MLLT3: variants seen among roughly 807,000 people sequenced by gnomAD.
MLLT3 encodes the protein MLLT3 super elongation complex subunit.
Under a neutral mutation model 53.2 loss-of-function variants are expected in MLLT3, and 4 were observed. The ratio of observed to expected loss-of-function variants is 0.08; its 90% CI spans 0.04 to 0.17. The LOEUF (loss-of-function observed/expected upper bound fraction) is 0.17, where lower values mean the gene tolerates loss of function less well. Ranked by LOEUF, MLLT3 falls within the 10% of genes least tolerant of loss-of-function variation. The probability of loss-of-function intolerance (pLI) is 1.00; values close to 1 mark genes in which losing one functional copy is unlikely to be tolerated. For missense variants in MLLT3, 569 were observed against 684.0 expected, an observed-to-expected ratio of 0.83 and a Z score of 1.87; for synonymous variants, 283 against 230.6, an observed-to-expected ratio of 1.23 and a Z score of -2.06.
intron 2 of MLLT3, among the ~76,000 whole-genome samples, chr9:20,576,210 A>C (rs373361390): frequency 6.6e-6 from 1 of 152,210 alleles, no homozygotes; most frequent in African/African-American, 2.4e-5. Context: ...GAAGACAGTT[A>C]AGGCCTTGCT....
At chr9:20,485,434 T>C (rs1264663300) in intron 2 of MLLT3, among the ~76,000 whole-genome samples, 3 of 152,258 alleles carry the variant, frequency 2.0e-5, no homozygotes, top group Admixed American at 6.5e-5. Flanking sequence ...CATACATTAT[T>C]TTGAGACCAC....
At position 20,414,091 on chromosome 9, in the gene MLLT3, G is replaced by T. The variant is rs1246288131; in HGVS notation, c.755C>A (p.Ala252Asp). Residue 252 changes from alanine to aspartate, a missense_variant, in exon 5 of 11, where the codon GCC becomes GAC. Coordinates refer to ENST00000380338, the MANE Select transcript of MLLT3 (RefSeq NM_004529.4). ...TGACATGGGTTTAGGTTCCTTGAAGGCCATCTTAGGAACTATTTTCTCTTC... is the reference window on the plus strand; with the variant it reads ...TGACATGGGTTTAGGTTCCTTGAAGTCCATCTTAGGAACTATTTTCTCTTC... Reference protein sequence around the residue: ...LKEEKIVPKMAFKEPKPMSKE... With the variant: ...LKEEKIVPKMDFKEPKPMSKE... 1 of 1,613,652 alleles carries T rather than the reference G, an allele frequency of 6.2e-7. No individual in the cohort carries two copies. Among genetic ancestry groups the T allele is most frequent in the Non-Finnish European group, 8.5e-7 (1 of 1,179,928 alleles).
intron 2 of MLLT3, among the ~76,000 whole-genome samples, chr9:20,465,502 T>C (rs961486063): frequency 9.8e-5 from 1 of 10,256 alleles, no homozygotes; most frequent in Non-Finnish European, 1.8e-4. Flanking sequence ...ATCAATTGCA[T>C]AGGGTGATAG....
At chr9:20,472,219 A>G (rs958087702) in intron 2 of MLLT3, among the ~76,000 whole-genome samples, 1 of 152,102 alleles carries the variant, frequency 6.6e-6, no homozygotes, top group Non-Finnish European at 1.5e-5. Flanking sequence ...ATTTACTGAC[A>G]TAACAGAAAC....
chr9:20,432,349 T>A (rs890378305), intron 4 of MLLT3, among the ~76,000 whole-genome samples: 2 of 152,174 alleles, frequency 1.3e-5, no homozygotes, highest in Non-Finnish European at 2.9e-5. Context: ...TTAAATGAAA[T>A]AACATAACTT....
intron 5 of MLLT3, among the ~76,000 whole-genome samples, chr9:20,409,048 A>G (rs937241060): frequency 2.0e-5 from 3 of 152,184 alleles, no homozygotes; most frequent in African/African-American, 7.2e-5. Flanking sequence ...CCAACTATCA[A>G]AAGACATGAC....
chr9:20,449,081 T>G (rs1435687693), intron 3 of MLLT3, among the ~76,000 whole-genome samples: 1 of 152,180 alleles, frequency 6.6e-6, no homozygotes, highest in Non-Finnish European at 1.5e-5. Context: ...AGATTTCACT[T>G]TTGGAAAACC....
At chr9:20,348,288 TC>T in intron 10 of MLLT3, among the ~76,000 whole-genome samples, 1 of 152,172 alleles carries the variant, frequency 6.6e-6, no homozygotes, top group Non-Finnish European at 1.5e-5. Flanking sequence ...AATGTTTGCC[TC>T]CCCAGACCTA....
chr9:20,616,750 A>T (rs1820843166), intron 2 of MLLT3, among the ~76,000 whole-genome samples: 1 of 152,146 alleles, frequency 6.6e-6, no homozygotes, highest in Non-Finnish European at 1.5e-5. Context: ...TTTATAGATT[A>T]TCATCATTTA....
chr9:20,539,540 G>T (rs1818570654), intron 2 of MLLT3, among the ~76,000 whole-genome samples: 1 of 152,084 alleles, frequency 6.6e-6, no homozygotes, highest in African/African-American at 2.4e-5. Flanking sequence ...GAGAACAAGG[G>T]GAGAAGTGCC....
chr9:20,444,253 CAA>C (rs1823632512), intron 4 of MLLT3, among the ~76,000 whole-genome samples: 1 of 152,024 alleles, frequency 6.6e-6, no homozygotes, highest in African/African-American at 2.4e-5. Context: ...ATCACTGATC[CAA>C]AAGTGATCAA....
intron 2 of MLLT3, among the ~76,000 whole-genome samples, chr9:20,501,608 G>A (rs1004250859): frequency 5.9e-5 from 9 of 151,882 alleles, no homozygotes; most frequent in South Asian, 2.1e-4. Flanking sequence ...AAAATTAGCC[G>A]GGCGCGGTGG....
At position 20,620,818 on chromosome 9, in the gene MLLT3, T is replaced by C; in HGVS notation, c.29A>G (p.Lys10Arg). 6.2e-7 allele frequency: 1 copy of C among 1,613,980 alleles called. No individual in the cohort carries two copies. Among genetic ancestry groups the C allele is most frequent in the Non-Finnish European group, 8.5e-7 (1 of 1,179,976 alleles). Reference protein sequence around the residue: MASSCAVQVKLELGHRAQVR... With the variant: MASSCAVQVRLELGHRAQVR... ...CTGGGCGCGGTGCCCCAGCTCCAGC[T>C]TCACCTGCACGGCACACTGCGGGCA... Residue 10 changes from lysine to arginine, a missense_variant, in exon 2 of 11, where the codon AAG (lysine) becomes AGG (arginine). Physicochemically the swap from Lys to Arg is conservative, Grantham distance 26. This residue lies in a region of MLLT3 where 13 missense variants were observed against 16.2 expected (regional missense o/e 0.80). Coordinates refer to ENST00000380338, the MANE Select transcript of MLLT3 (RefSeq NM_004529.4). This position sits in a 1 kb window ranked among gnomAD's most constrained non-coding sequence, Gnocchi z 6.1.
chr9:20,492,704 TCTAAA>T (rs934218788), intron 2 of MLLT3, among the ~76,000 whole-genome samples: 3 of 151,904 alleles, frequency 2.0e-5, no homozygotes, highest in African/African-American at 4.8e-5. Flanking sequence ...AACTAAAATC[TCTAAA>T]CTAAATATCT....
At chr9:20,511,764 A>T (rs1350011759) in intron 2 of MLLT3, among the ~76,000 whole-genome samples, 1 of 152,160 alleles carries the variant, frequency 6.6e-6, no homozygotes, top group Non-Finnish European at 1.5e-5. Context: ...ATGCGCACAC[A>T]CATGCACACA....
intron 2 of MLLT3, among the ~76,000 whole-genome samples, chr9:20,501,129 G>GAATTACTA (rs1285823091): frequency 6.6e-6 from 1 of 152,082 alleles, no homozygotes; most frequent in African/African-American, 2.4e-5. Context: ...AAATGCCTAG[G>GAATTACTA]AATTACTATA....
At chr9:20,548,585 G>A (rs978632594) in intron 2 of MLLT3, among the ~76,000 whole-genome samples, 2 of 152,152 alleles carry the variant, frequency 1.3e-5, no homozygotes, top group Non-Finnish European at 2.9e-5. Flanking sequence ...CTAATTATGT[G>A]AAATTGTTCT....
intron 2 of MLLT3, among the ~76,000 whole-genome samples, chr9:20,464,371 T>A (rs1824184956): frequency 6.6e-6 from 1 of 152,110 alleles, no homozygotes; most frequent in Non-Finnish European, 1.5e-5. Context: ...GTACAAGTTC[T>A]ATTCTAGGGA....
chr9:20,418,805 C>T (rs969217644), intron 4 of MLLT3, among the ~76,000 whole-genome samples: 3 of 152,114 alleles, frequency 2.0e-5, no homozygotes, highest in African/African-American at 7.2e-5. Flanking sequence ...TTCACGCACA[C>T]AGGTATGGCC....
Sources: gnomAD v4.1 joint callset for allele counts (sites outside exome capture counted in the v4.1 genomes callset) on GRCh38, gnomAD v4.1.1 for gene constraint, gnomAD v4.1.1 regional missense constraint, Gnocchi (gnomAD v3.1) non-coding constraint, MANE v1.5 for transcripts, NCBI Gene and HGNC (gene_info 2026-07-23, HGNC 2026-07-21) for gene names.